The following SLC22A16 variants were observed in gnomAD, a reference collection of about 807,000 sequenced individuals.
SLC22A16 encodes solute carrier family 22 member 16.
SLC22A16 carries 53 observed loss-of-function variants against 52.9 expected under a neutral mutation model. The ratio of observed to expected loss-of-function variants is 1.00; its 90% CI spans 0.80 to 1.26. The LOEUF is 1.26. Ranked by LOEUF, SLC22A16 falls within the 50% of genes most tolerant of loss-of-function variation. The pLI, the probability that SLC22A16 is intolerant of heterozygous loss-of-function variation, is 0.00. For missense variants in SLC22A16, 726 were observed against 704.0 expected (o/e 1.03, Z -0.35); for synonymous variants, 291 against 268.8 (o/e 1.08, Z -0.81).
At position 110,442,612 on chromosome 6, in the gene SLC22A16, A is replaced by T. The variant is rs1221493768; in HGVS notation, c.815T>A (p.Met272Lys). 1 of 1,614,244 alleles carries T rather than the reference A, an allele frequency of 6.2e-7. No individual in the cohort carries two copies. The highest frequency in any genetic ancestry group is 1.3e-5 in the African/African-American group (1 of 75,070). The change falls in exon 4 of 8, where the codon ATG becomes AAG. Residue 272 changes from methionine (M) to lysine (K), a missense_variant. Transcript: ENST00000368919. Reference protein sequence around the residue: ...YLVRTWWLYQMILSTVTVPFI... With the variant: ...YLVRTWWLYQKILSTVTVPFI... ...GGGGACAGTCACTGTGGAGAGGATCATCTGGTAAAGCCACCAGGTCCTGAC... is the reference window on the plus strand; with the variant it reads ...GGGGACAGTCACTGTGGAGAGGATCTTCTGGTAAAGCCACCAGGTCCTGAC...
intron 6 of SLC22A16, among the ~76,000 whole-genome samples, chr6:110,433,323 A>C (rs1391754506): frequency 6.6e-6 from 1 of 152,124 alleles, no homozygotes; most frequent in Non-Finnish European, 1.5e-5. Flanking sequence ...ATCCATCTAG[A>C]TATCCATTAA....
intron 2 of SLC22A16, chr6:110,455,662 T>G (rs537504266): frequency 6.6e-6 from 1 of 152,332 alleles, no homozygotes; most frequent in East Asian, 1.9e-4. Flanking sequence ...TAAAAATATA[T>G]GGCCAGGTTA....
intron 4 of SLC22A16, among the ~76,000 whole-genome samples, chr6:110,441,270 G>C (rs1562283167): frequency 6.6e-6 from 1 of 152,160 alleles, no homozygotes; most frequent in Non-Finnish European, 1.5e-5. Flanking sequence ...ACAGAATTCT[G>C]ACTGAAAAAT....
At chr6:110,462,865 C>T (rs1304894333) in intron 1 of SLC22A16, among the ~76,000 whole-genome samples, 3 of 151,978 alleles carry the variant, frequency 2.0e-5, no homozygotes, top group Non-Finnish European at 4.4e-5. Context: ...ATCTTAAAGG[C>T]ATCTGGAGAG....
In SLC22A16 at chr6:110,431,290, G is replaced by T. The variant is rs1404905411; in HGVS notation, c.1422-20C>A. ...AGCGATCTGGAAACAGAGGAGAGAG[G>T]CTGAGACAAGTAAGGCACAAGTGAC... On this transcript the variant is annotated intron_variant, in intron 6 of 7. Transcript: ENST00000368919. 4.4e-6 allele frequency: 7 copies of T among 1,604,862 alleles called. No homozygotes were observed. Among genetic ancestry groups the T allele is most frequent in the African/African-American group, 2.7e-5 (2 of 74,840 alleles).
chr6:110,435,765 A>G, intron 6 of SLC22A16, 87 bp downstream of exon 6: 4 of 917,306 alleles, frequency 4.4e-6, no homozygotes, highest in Non-Finnish European at 5.0e-6. Context: ...ATAAAAAAGA[A>G]GCATTTACAT....
intron 1 of SLC22A16, among the ~76,000 whole-genome samples, chr6:110,460,510 G>C (rs763335477): frequency 1.3e-5 from 2 of 151,936 alleles, no homozygotes; most frequent in Non-Finnish European, 2.9e-5. Context: ...CCTCACCCCT[G>C]TAACAAACTG....
chr6:110,446,424 T>C (rs896824913), intron 3 of SLC22A16, among the ~76,000 whole-genome samples: 13 of 152,162 alleles, frequency 8.5e-5, no homozygotes, highest in Non-Finnish European at 1.3e-4. Context: ...TATATGACAA[T>C]GCTGGTATTC....
chr6:110,472,560 A>G (rs9487422), intron 1 of SLC22A16, among the ~76,000 whole-genome samples: 25,769 of 151,902 alleles, frequency 0.17, 2,824 homozygotes, highest in African/African-American at 0.31. Flanking sequence ...ACATAAACAC[A>G]CTTTCCATGT....
Position 110,445,877 on chromosome 6 carries a change from C to G in SLC22A16, c.651+996G>C, listed in dbSNP as rs918106676. Among the ~76,000 whole-genome samples, 5 of 152,264 alleles carry G rather than the reference C, an allele frequency of 3.3e-5. No homozygotes were observed. The South Asian group carries it at 1.0e-3, about 32-fold the overall frequency. On this transcript the variant is annotated intron_variant, in intron 3 of 7. Coordinates refer to ENST00000368919, the MANE Select transcript of SLC22A16 (RefSeq NM_033125.4). ...ACTGGTTGCTATCTTGTATTTAAAA[C>G]TCTTTACATTCCTAAATATATATAT...
intron 4 of SLC22A16, among the ~76,000 whole-genome samples, chr6:110,441,621 G>A (rs1774968417): frequency 6.6e-6 from 1 of 152,200 alleles, no homozygotes; most frequent in Non-Finnish European, 1.5e-5. Context: ...ATCTGCTTAT[G>A]AGGAGAGTGT....
chr6:110,454,008 A>T (rs1454370250), intron 2 of SLC22A16, among the ~76,000 whole-genome samples: 2 of 152,236 alleles, frequency 1.3e-5, no homozygotes, highest in African/African-American at 4.8e-5. Context: ...TGTGACAGCC[A>T]GAACTCATTC....
intron 7 of SLC22A16, among the ~76,000 whole-genome samples, chr6:110,429,649 T>C (rs1774415792): frequency 6.6e-6 from 1 of 152,130 alleles, no homozygotes; most frequent in East Asian, 1.9e-4. Flanking sequence ...GATGCAAATG[T>C]CCTGCTCTGC....
intron 1 of SLC22A16, among the ~76,000 whole-genome samples, chr6:110,466,911 T>TGATAGATAGATA (rs3045569): frequency 0.011 from 1,547 of 140,638 alleles, 21 homozygotes; most frequent in East Asian, 0.021. Context: ...AAAGAAAATG[T>TGATAGATAGATA]GATAGATAGA....
At chr6:110,447,153 C>T (rs1775209203) in intron 2 of SLC22A16, among the ~76,000 whole-genome samples, 163 bp from the exon 3 acceptor site, 1 of 152,186 alleles carries the variant, frequency 6.6e-6, no homozygotes, top group Non-Finnish European at 1.5e-5. Flanking sequence ...AGTTCCATGG[C>T]TTCTTTAAAA....
Position 110,435,959 on chromosome 6 carries a change from T to A in SLC22A16, c.1314A>T (p.Lys438Asn), listed in dbSNP as rs758813780. Reference sequence around the variant, plus strand: ...CTGTCACCACACCCAAAATATAATGTTTCTGAAAAAAATTTAGCAGAATAG... The same window carrying A: ...CTGTCACCACACCCAAAATATAATGATTCTGAAAAAAATTTAGCAGAATAG... ...ACGVVMVIPQ[K>N]HYILGVVTAM... Residue 438 changes from lysine (K) to asparagine (N), a missense_variant and splice_region_variant, in exon 6 of 8, where the codon AAA becomes AAT. Lys to Asn is a moderately conservative substitution (Grantham distance 94). Coordinates refer to ENST00000368919, the MANE Select transcript of SLC22A16 (RefSeq NM_033125.4). 1 of 1,610,764 alleles carries A rather than the reference T, an allele frequency of 6.2e-7. No homozygotes were observed.
chr6:110,452,881 G>T lies in SLC22A16; in HGVS notation c.533+3657C>A, dbSNP rs114312742. 3.4e-3 allele frequency among the ~76,000 whole-genome samples: 524 copies of T among 152,220 alleles called. 2 individuals carry two copies. The highest frequency in any genetic ancestry group is 0.011 in the African/African-American group (471 of 41,542). ...GAATTTTGTCCTCTAATACGTTAAT[G>T]TGGTAAATACCATTGATTAGTTTCT... On this transcript the variant is annotated intron_variant, in intron 2 of 7. Coordinates refer to ENST00000368919, the MANE Select transcript of SLC22A16 (RefSeq NM_033125.4).
At chr6:110,470,938 G>A (rs749129525) in intron 1 of SLC22A16, among the ~76,000 whole-genome samples, 1 of 152,112 alleles carries the variant, frequency 6.6e-6, no homozygotes, top group Non-Finnish European at 1.5e-5. Context: ...AATTGTTGTG[G>A]AGCAACTGAA....
At chr6:110,464,611 A>G (rs1186566944) in intron 1 of SLC22A16, among the ~76,000 whole-genome samples, 1 of 152,000 alleles carries the variant, frequency 6.6e-6, no homozygotes, top group Non-Finnish European at 1.5e-5. Context: ...TGAACAGACC[A>G]ATAACGAGTA....
Sources: allele counts gnomAD v4.1 joint callset (sites outside exome capture counted in the v4.1 genomes callset), GRCh38; gene constraint gnomAD v4.1.1; transcripts MANE v1.5; gene names NCBI Gene and HGNC (gene_info 2026-07-23, HGNC 2026-07-21).